The following ITPR1 variants were observed in gnomAD, a reference collection of about 807,000 sequenced individuals.
ITPR1 encodes inositol 1,4,5-trisphosphate-gated calcium channel ITPR1.
ITPR1 carries 96 observed loss-of-function variants against 318.4 expected under a neutral mutation model. That is an observed-to-expected ratio of 0.30 (90% CI 0.26 to 0.36). The LOEUF is 0.36. ITPR1 is among the 10% of genes least tolerant of loss of function. The pLI, the probability that ITPR1 is intolerant of heterozygous loss-of-function variation, is 1.00. For synonymous variants in ITPR1, 1,312 were observed against 1,289.9 expected, an observed-to-expected ratio of 1.02 and a Z score of -0.37; for missense variants, 2,440 against 3,460.2, an observed-to-expected ratio of 0.71 and a Z score of 7.40.
intron 54 of ITPR1, 24 bp from the exon 55 acceptor site, chr3:4,806,079 G>T (rs766313741): frequency 1.9e-6 from 3 of 1,604,546 alleles, no homozygotes; most frequent in South Asian, 2.2e-5. Context: ...CGTGCCATCT[G>T]ACTGTTCCTG....
chr3:4,537,966 G>T (rs1169109572), intron 4 of ITPR1, among the ~76,000 whole-genome samples: 5 of 152,100 alleles, frequency 3.3e-5, no homozygotes, highest in Non-Finnish European at 2.9e-5. Flanking sequence ...ACTCTTTAAA[G>T]AAACAAATTT....
At chr3:4,690,838 A>G (rs4684440) in intron 31 of ITPR1, among the ~76,000 whole-genome samples, 62,524 of 152,090 alleles carry the variant, frequency 0.41, 14,808 homozygotes, top group Non-Finnish European at 0.56. Flanking sequence ...TAGTAGTTAA[A>G]TTGTGAGATA....
intron 30 of ITPR1, among the ~76,000 whole-genome samples, chr3:4,686,722 G>T (rs2094401390): frequency 6.6e-6 from 1 of 152,218 alleles, no homozygotes; most frequent in Non-Finnish European, 1.5e-5. Context: ...AATCTCTTGT[G>T]ACTTGATGTC....
At chr3:4,716,563 G>A (rs2041778194) in intron 39 of ITPR1, among the ~76,000 whole-genome samples, 1 of 152,132 alleles carries the variant, frequency 6.6e-6, no homozygotes, top group Non-Finnish European at 1.5e-5. Flanking sequence ...CAAATTGTCA[G>A]TCTCCTATTA....
chr3:4,805,465 A>C (rs1308279121), intron 54 of ITPR1, among the ~76,000 whole-genome samples: 1 of 152,198 alleles, frequency 6.6e-6, no homozygotes, highest in Non-Finnish European at 1.5e-5. Context: ...GCCAGGTTGG[A>C]GCCCCACCCA....
At chr3:4,685,002 A>C (rs2094366442) in intron 29 of ITPR1, 67 bp from the exon 30 acceptor site, 4 of 1,524,984 alleles carry the variant, frequency 2.6e-6, no homozygotes, top group Non-Finnish European at 3.6e-6. Context: ...GCCCGCCACC[A>C]CCCTCTGCAA....
chr3:4,669,773 A>G lies in ITPR1; in HGVS notation c.2006A>G (p.Lys669Arg), dbSNP rs772938214. The change falls in exon 19 of 62, where the codon AAG (lysine) becomes AGG (arginine). Residue 669 changes from lysine (K) to arginine (R), a missense_variant and splice_region_variant. Physicochemically the swap from Lys to Arg is conservative, Grantham distance 26 (BLOSUM62 2). This residue lies in a region of ITPR1 where 478 missense variants were observed against 696.3 expected (regional missense o/e 0.69). Coordinates refer to ENST00000649015, the MANE Select transcript of ITPR1 (RefSeq NM_001378452.1). Reference protein sequence around the residue: ...PTNADILIETKLVLSRFEFEG... With the variant: ...PTNADILIETRLVLSRFEFEG... ...AACGCTGACATCCTGATTGAGACCAAGTGAGTGGGGAGCCAGGGTTTAGAT... is the reference window on the plus strand; with the variant it reads ...AACGCTGACATCCTGATTGAGACCAGGTGAGTGGGGAGCCAGGGTTTAGAT... 1 of 1,608,094 alleles carries G rather than the reference A, an allele frequency of 6.2e-7. No homozygotes were observed.
At chr3:4,612,958 A>G (rs116271199) in intron 4 of ITPR1, among the ~76,000 whole-genome samples, 12 of 152,346 alleles carry the variant, frequency 7.9e-5, no homozygotes, top group African/African-American at 2.9e-4. Context: ...AATCCCAAAT[A>G]TCAGAGACAG....
At chr3:4,566,604 G>GCACGCACACACACACACACACA (rs1553626571) in intron 4 of ITPR1, among the ~76,000 whole-genome samples, 2 of 140,898 alleles carry the variant, frequency 1.4e-5, no homozygotes, top group Admixed American at 7.1e-5. Flanking sequence ...GGGGACACAT[G>GCACGCACACACACACACACACA]CACACACACA....
intron 35 of ITPR1, 25 bp downstream of exon 35, chr3:4,699,966 G>C (rs747846286): frequency 1.2e-6 from 2 of 1,607,032 alleles, no homozygotes; most frequent in South Asian, 2.2e-5. Context: ...ACGTCAAGCA[G>C]AATGTTCACG....
chr3:4,842,678 A>T (rs566793765), intron 61 of ITPR1, among the ~76,000 whole-genome samples: 37 of 152,180 alleles, frequency 2.4e-4, no homozygotes, highest in African/African-American at 8.4e-4. Flanking sequence ...TTTTAAATGT[A>T]CTATAAATGA....
In ITPR1 at chr3:4,779,603, A is replaced by G; in HGVS notation, c.6345A>G (p.Glu2115=). 6.2e-7 allele frequency: 1 copy of G among 1,612,548 alleles called. No homozygotes were observed. Among genetic ancestry groups the G allele is most frequent in the East Asian group, 2.2e-5 (1 of 44,782 alleles). Residue 2115 remains glutamate (E), a synonymous_variant, in exon 49 of 62, where the codon GAA becomes GAG. Transcript: ENST00000649015. The surrounding 1 kb of genome is among the most constrained non-coding windows in gnomAD (Gnocchi z 4.0). The part of the protein sequence containing the change: ...LAIMESRHDS[E]NAERILYNMR... ...TCATGGAAAGCAGGCACGACAGTGA[A>G]AACGCAGAGAGGATACTTTATAACA...
chr3:4,684,291 A>C lies in ITPR1; in HGVS notation c.3509A>C (p.Asn1170Thr). ...NEHKKTEEGN[N>T]KPQKHESTSS... ...CACTTTGGTTTCTAGGAGGGAAATA[A>C]CAAGCCACAAAAGCATGAAAGCACC... The change falls in exon 29 of 62, where the codon AAC becomes ACC. Residue 1170 changes from asparagine (N) to threonine (T), a missense_variant. By Grantham distance (65) the Asn-to-Thr change is moderately conservative. Transcript: ENST00000649015. 1 of 1,611,754 alleles carries C rather than the reference A, an allele frequency of 6.2e-7. No individual in the cohort carries two copies. The highest frequency in any genetic ancestry group is 1.3e-5 in the African/African-American group (1 of 75,022).
intron 44 of ITPR1, among the ~76,000 whole-genome samples, chr3:4,763,234 A>G (rs1054332083): frequency 1.3e-5 from 2 of 152,190 alleles, no homozygotes; most frequent in African/African-American, 4.8e-5. Flanking sequence ...GCATTAGGAA[A>G]AAGAGCTAAT....
intron 40 of ITPR1, among the ~76,000 whole-genome samples, chr3:4,722,517 A>C (rs1327823763): frequency 6.6e-6 from 1 of 152,232 alleles, no homozygotes; most frequent in Admixed American, 6.5e-5. Flanking sequence ...TCATTTACTA[A>C]ACATTATCTT....
At chr3:4,809,336 T>C (rs539405164) in intron 55 of ITPR1, among the ~76,000 whole-genome samples, 2 of 152,356 alleles carry the variant, frequency 1.3e-5, no homozygotes, top group African/African-American at 4.8e-5. Context: ...TGACATATAA[T>C]TGGAAACATC....
chr3:4,759,478 G>A (rs911687387), intron 44 of ITPR1, among the ~76,000 whole-genome samples: 4 of 152,190 alleles, frequency 2.6e-5, no homozygotes, highest in African/African-American at 9.7e-5. Flanking sequence ...GTCTTGGGCA[G>A]TCAGGGGAGG....
chr3:4,705,420 T>C (rs554501516), intron 36 of ITPR1, among the ~76,000 whole-genome samples: 8 of 152,286 alleles, frequency 5.3e-5, no homozygotes, highest in South Asian at 4.1e-4. Context: ...TCGATTCGAA[T>C]TTCACCACTT....
chr3:4,613,620 A>C (rs1158700407), intron 4 of ITPR1, among the ~76,000 whole-genome samples: 1 of 152,084 alleles, frequency 6.6e-6, no homozygotes, highest in Non-Finnish European at 1.5e-5. Context: ...TTCCTTATAG[A>C]CCAGCAGCCT....
Sources: gnomAD v4.1 joint callset for allele counts (sites outside exome capture counted in the v4.1 genomes callset) on GRCh38, gnomAD v4.1.1 for gene constraint, gnomAD v4.1.1 regional missense constraint, Gnocchi (gnomAD v3.1) non-coding constraint, MANE v1.5 for transcripts, NCBI Gene and HGNC (gene_info 2026-07-23, HGNC 2026-07-21) for gene names.